Variants in GLYATL1B observed in about 807,000 individuals in gnomAD.
GLYATL1B encodes the protein putative glycine N-acyltransferase-like protein 1B.
GLYATL1B carries 6 observed loss-of-function variants against 5.5 expected under a neutral mutation model. The ratio of observed to expected loss-of-function variants is 1.09; its 90% CI spans 0.60 to 2.15. The LOEUF is 2.15. Among genes scored for constraint, GLYATL1B ranks in the 30% most tolerant of loss-of-function variants. The pLI is 0.00. For synonymous variants in GLYATL1B, 67 were observed against 34.9 expected (o/e 1.92, Z -3.24); for missense variants, 135 against 94.1 (o/e 1.43, Z -1.80).
chr11:59,088,045 G>C (rs1179842723), intron 2 of GLYATL1B, among the ~76,000 whole-genome samples: 1 of 152,160 alleles, frequency 6.6e-6, no homozygotes, highest in Admixed American at 6.5e-5. Flanking sequence ...GATACCATCT[G>C]TTAAAGCATT....
chr11:59,089,509 G>A (rs1859264180), intron 2 of GLYATL1B, among the ~76,000 whole-genome samples: 1 of 152,128 alleles, frequency 6.6e-6, no homozygotes, highest in Non-Finnish European at 1.5e-5. Flanking sequence ...AGCAGTGAAT[G>A]TTATCCTTCT....
At chr11:59,094,343 G>C (rs1859384601) in intron 4 of GLYATL1B, 26 bp from the exon 5 acceptor site, 1 of 498,634 alleles carries the variant, frequency 2.0e-6, no homozygotes, top group East Asian at 3.3e-5. Context: ...GATGAAAGTT[G>C]TTGTCTTTCT....
intron 1 of GLYATL1B, 104 bp from the exon 2 acceptor site, chr11:59,086,960 T>G: frequency 2.2e-6 from 1 of 457,016 alleles, no homozygotes; most frequent in Non-Finnish European, 3.9e-6. Flanking sequence ...ACTGACTTGG[T>G]CCCAGTACTG....
chr11:59,088,133 T>C (rs1374338376), intron 2 of GLYATL1B, among the ~76,000 whole-genome samples: 1 of 152,200 alleles, frequency 6.6e-6, no homozygotes, highest in Non-Finnish European at 1.5e-5. Context: ...GTGAGTTTTA[T>C]CATCTGTTAA....
chr11:59,087,927 C>T (rs1403573905), intron 2 of GLYATL1B, among the ~76,000 whole-genome samples: 1 of 152,200 alleles, frequency 6.6e-6, no homozygotes, highest in Non-Finnish European at 1.5e-5. Flanking sequence ...AAGCACCTCA[C>T]TCGTTAGTGA....
chr11:59,093,859 G>T (rs553641948), intron 3 of GLYATL1B, 75 bp from the exon 4 acceptor site: 1 of 545,550 alleles, frequency 1.8e-6, no homozygotes, highest in Non-Finnish European at 3.3e-6. Context: ...TAAGCACTGA[G>T]GCATTAATCA....
At position 59,093,603 on chromosome 11, in the gene GLYATL1B, A is replaced by C. The variant is rs1055053023; in HGVS notation, c.261A>C (p.Glu87Asp). 11 of 489,278 alleles carry C rather than the reference A, an allele frequency of 2.2e-5. No individual in the cohort carries two copies. The highest frequency in any genetic ancestry group is 3.0e-4 in the Middle Eastern group (1 of 3,334). 30.3% of individuals were successfully genotyped at this position (489,278 alleles called of 1,614,324 possible). Residue 87 changes from glutamate to aspartate, a missense_variant, in exon 3 of 5, where the codon GAA becomes GAC. By Grantham distance (45) the Glu-to-Asp change is conservative. Coordinates refer to ENST00000527482, the MANE Select transcript of GLYATL1B (RefSeq NM_001355566.1). ...CCAAAGACCCTCAAAAATCACAAGAAGTTTTGAAAAATTCTGAGATCATAA... is the reference window on the plus strand; with the variant it reads ...CCAAAGACCCTCAAAAATCACAAGACGTTTTGAAAAATTCTGAGATCATAA... ...VFSKDPQKSQEVLKNSEIINW... is the reference protein window; with the variant it reads ...VFSKDPQKSQDVLKNSEIINW...
chr11:59,094,755 A>C lies in GLYATL1B; in HGVS notation c.878A>C (p.Asn293Thr), dbSNP rs371256574. ...LEASCQWHQW[N>T]CYPQNLVPL ...GCCTCCTGTCAGTGGCACCAATGGAACTGCTACCCACAGAATCTTGTTCCA... is the reference window on the plus strand; with the variant it reads ...GCCTCCTGTCAGTGGCACCAATGGACCTGCTACCCACAGAATCTTGTTCCA... Residue 293 changes from asparagine (N) to threonine (T), a missense_variant, in exon 5 of 5, where the codon AAC becomes ACC. Transcript: ENST00000527482. 34 of 468,292 alleles carry C rather than the reference A, an allele frequency of 7.3e-5. No homozygotes were observed. The highest frequency in any genetic ancestry group is 1.2e-3 in the Middle Eastern group (2 of 1,714). The allele number at this position is 468,292 out of a possible 1,614,324, so 29.0% of individuals were successfully genotyped here.
At chr11:59,087,402 A>G (rs28472454) in intron 2 of GLYATL1B, among the ~76,000 whole-genome samples, 26,647 of 151,104 alleles carry the variant, frequency 0.18, 2,502 homozygotes, top group Non-Finnish European at 0.21. Flanking sequence ...AAAAGGACAA[A>G]GCTGACACTC....
chr11:59,086,630 G>A (rs933484232), intron 1 of GLYATL1B, among the ~76,000 whole-genome samples: 31 of 152,114 alleles, frequency 2.0e-4, no homozygotes, highest in Non-Finnish European at 3.8e-4. Context: ...TACGAACATC[G>A]GTTTGGGGCC....
intron 2 of GLYATL1B, among the ~76,000 whole-genome samples, chr11:59,091,226 T>A (rs1859301613): frequency 6.6e-6 from 1 of 152,104 alleles, no homozygotes; most frequent in African/African-American, 2.4e-5. Context: ...TTTACCAGAT[T>A]TGGCATTAGG....
intron 2 of GLYATL1B, among the ~76,000 whole-genome samples, chr11:59,087,727 C>T (rs1565174591): frequency 6.6e-6 from 1 of 152,094 alleles, no homozygotes; most frequent in Non-Finnish European, 1.5e-5. Context: ...CGTGCCTATA[C>T]TCCTAGATAC....
chr11:59,089,678 G>T (rs913174769), intron 2 of GLYATL1B, among the ~76,000 whole-genome samples: 4 of 152,034 alleles, frequency 2.6e-5, no homozygotes, highest in African/African-American at 9.7e-5. Flanking sequence ...TTTTTACACT[G>T]GGATTTTGTG....
At position 59,093,880 on chromosome 11, in the gene GLYATL1B, G is replaced by A. The variant is rs990300428; in HGVS notation, c.314-54G>A. ...CTGAGGCATTAATCAGGTGTGAGCA[G>A]TGTAAGTAGAGAACTGCATGTCTGA... is the stretch of plus-strand genomic sequence containing the variant. On this transcript the variant is annotated intron_variant, in intron 3 of 4. Coordinates refer to ENST00000527482, the MANE Select transcript of GLYATL1B (RefSeq NM_001355566.1). The A allele has an allele frequency of 3.0e-4, 180 of 596,858 alleles. No individual in the cohort carries two copies. The Middle Eastern group carries it at 3.6e-3, about 12-fold the overall frequency. 37.0% of individuals were successfully genotyped at this position (596,858 alleles called of 1,614,324 possible).
Position 59,094,780 on chromosome 11 carries a change from A to C in GLYATL1B, c.903A>C (p.Pro301=). 1 of 464,684 alleles carries C rather than the reference A, an allele frequency of 2.2e-6. No homozygotes were observed. Among genetic ancestry groups the C allele is most frequent in the Non-Finnish European group, 3.9e-6 (1 of 254,652 alleles). The allele number at this position is 464,684 out of a possible 1,614,324, so 28.8% of individuals were successfully genotyped here. ...ACTGCTACCCACAGAATCTTGTTCC[A>C]TTGTAGACAATGAAGCTGCTTAGCA... ...QWNCYPQNLV[P]L is the part of the protein sequence containing the mutation. Residue 301 remains proline, a synonymous_variant, in exon 5 of 5, where the codon CCA becomes CCC. Coordinates refer to ENST00000527482, the MANE Select transcript of GLYATL1B (RefSeq NM_001355566.1).
Position 59,086,347 on chromosome 11 carries a change from T to A in GLYATL1B, c.41T>A (p.Phe14Tyr). The change falls in exon 1 of 5, where the codon TTC (phenylalanine) becomes TAC (tyrosine). Residue 14 changes from phenylalanine to tyrosine, a missense_variant. Transcript: ENST00000527482. ...LNNSERLLAL[F>Y]KSLARSIPES... Reference sequence around the variant, plus strand: ...AATTCCGAGCGGCTGCTGGCCCTATTCAAATCTTTAGCAAGGAGCATTCCT... The same window carrying A: ...AATTCCGAGCGGCTGCTGGCCCTATACAAATCTTTAGCAAGGAGCATTCCT... 5.0e-6 allele frequency: 2 copies of A among 399,066 alleles called. No individual in the cohort carries two copies. The highest frequency in any genetic ancestry group is 1.3e-4 in the South Asian group (1 of 7,852). The allele number at this position is 399,066 out of a possible 1,614,324, so 24.7% of individuals were successfully genotyped here.
chr11:59,091,437 C>T (rs1357027571), intron 2 of GLYATL1B, among the ~76,000 whole-genome samples: 2 of 152,274 alleles, frequency 1.3e-5, no homozygotes, highest in Admixed American at 6.5e-5. Flanking sequence ...ATGGACAGAT[C>T]CCATCACCCT....
intron 1 of GLYATL1B, among the ~76,000 whole-genome samples, chr11:59,086,719 G>A (rs960886537): frequency 5.3e-5 from 8 of 151,568 alleles, no homozygotes; most frequent in South Asian, 2.1e-4. Flanking sequence ...CTTTCTTTAC[G>A]TTTGGTCTTT....
At chr11:59,089,520 T>C (rs1859264548) in intron 2 of GLYATL1B, among the ~76,000 whole-genome samples, 4 of 152,190 alleles carry the variant, frequency 2.6e-5, no homozygotes, top group Admixed American at 2.6e-4. Flanking sequence ...TTATCCTTCT[T>C]CTACTTTATG....
Sources: allele counts gnomAD v4.1 joint callset (sites outside exome capture counted in the v4.1 genomes callset), GRCh38; gene constraint gnomAD v4.1.1; transcripts MANE v1.5; gene names NCBI Gene and HGNC (gene_info 2026-07-23, HGNC 2026-07-21).